Variants in KLF12 observed in about 807,000 individuals in gnomAD.
The protein encoded by KLF12 is Krueppel-like factor 12.
Under a neutral mutation model 37.8 loss-of-function variants are expected in KLF12, and 9 were observed. The observed-to-expected ratio is 0.24, with a 90% confidence interval of 0.14 to 0.42. The LOEUF is 0.42. Ranked by LOEUF, KLF12 falls within the 10% of genes least tolerant of loss-of-function variation. The probability of loss-of-function intolerance (pLI) is 1.00; values close to 1 mark genes in which losing one functional copy is unlikely to be tolerated. For missense variants in KLF12, 411 were observed against 516.0 expected (o/e 0.80, Z 1.97); for synonymous variants, 208 against 202.1 (o/e 1.03, Z -0.25).
At chr13:73,784,483 C>T (rs1881181657) in intron 5 of KLF12, among the ~76,000 whole-genome samples, 1 of 130,072 alleles carries the variant, frequency 7.7e-6, no homozygotes, top group South Asian at 2.7e-4. Context: ...GATTTTAATC[C>T]AGTGCGAACT....
chr13:73,971,286 C>T (rs992940213), intron 2 of KLF12, among the ~76,000 whole-genome samples: 2 of 151,950 alleles, frequency 1.3e-5, no homozygotes, highest in African/African-American at 2.4e-5. Flanking sequence ...ATGGTTTGGG[C>T]GACAATCATA....
chr13:74,076,860 T>C (rs1874593132), intron 1 of KLF12, among the ~76,000 whole-genome samples: 1 of 152,176 alleles, frequency 6.6e-6, no homozygotes, highest in Non-Finnish European at 1.5e-5. Context: ...TGTGTTTTCA[T>C]CATTTAGCTC....
At chr13:74,305,103 G>C in the KLF12 span, among the ~76,000 whole-genome samples, 1 of 151,942 alleles carries the variant, frequency 6.6e-6, no homozygotes, top group African/African-American at 2.4e-5. Context: ...ACAATTTTGA[G>C]GGTATTTTCC....
chr13:73,894,872 A>C lies in KLF12; in HGVS notation c.124-48499T>G, dbSNP rs1256959336. ...TATTTTTATAAGGAATAGCTGTTGA[A>C]TTTTGTCAAATGTCAAAATTTAGTG... On this transcript the variant is annotated intron_variant, in intron 3 of 7. Coordinates refer to ENST00000377669, the MANE Select transcript of KLF12 (RefSeq NM_007249.5). Among the ~76,000 whole-genome samples, 3 of 152,208 alleles carry C rather than the reference A, an allele frequency of 2.0e-5. No homozygotes were observed. In the South Asian group the frequency reaches 6.2e-4, roughly 32 times the overall value.
At chr13:74,280,484 A>G in the KLF12 span, among the ~76,000 whole-genome samples, 5 of 152,344 alleles carry the variant, frequency 3.3e-5, no homozygotes, top group Admixed American at 6.5e-5. Flanking sequence ...CTGGAAATTT[A>G]CACATCTATA....
chr13:74,113,920 A>G (rs1475762391), intron 1 of KLF12, among the ~76,000 whole-genome samples: 1 of 152,212 alleles, frequency 6.6e-6, no homozygotes, highest in African/African-American at 2.4e-5. Flanking sequence ...TCAACATTAG[A>G]AGGAGTTTAG....
intron 4 of KLF12, among the ~76,000 whole-genome samples, chr13:73,826,412 C>G (rs928902402): frequency 6.6e-6 from 1 of 152,178 alleles, no homozygotes; most frequent in African/African-American, 2.4e-5. Flanking sequence ...GGGTCTAGTA[C>G]TTGCTCCCTC....
At chr13:73,863,600 C>T (rs1298098165) in intron 3 of KLF12, among the ~76,000 whole-genome samples, 1 of 151,960 alleles carries the variant, frequency 6.6e-6, no homozygotes, top group African/African-American at 2.4e-5. Context: ...CTAGAATATC[C>T]GATAGTTTGT....
In KLF12 at chr13:73,712,338, C is replaced by CAAAA. The variant is rs752694466; in HGVS notation, c.1027+3026_1027+3029dup. On this transcript the variant is annotated intron_variant, in intron 7 of 7. Coordinates refer to ENST00000377669, the MANE Select transcript of KLF12 (RefSeq NM_007249.5). ...GGGTAACAAGAGCGAAACTCCATGT[C>CAAAA]AAAAAAAAAAAAAAAAAAAAAAGGA... is the stretch of plus-strand genomic sequence containing the variant. Among the ~76,000 whole-genome samples the CAAAA allele has an allele frequency of 7.1e-4, 30 of 42,042 alleles. 3 individuals are homozygous for CAAAA. The highest frequency in any genetic ancestry group is 4.9e-3 in the South Asian group (5 of 1,016). 27.6% of individuals were successfully genotyped at this position (42,042 alleles called of 152,430 possible). A position where few individuals can be genotyped will look rare whatever the true frequency, so the allele number is the denominator to read the frequency against.
chr13:73,741,301 T>A (rs1320720787), intron 6 of KLF12, among the ~76,000 whole-genome samples: 1 of 152,068 alleles, frequency 6.6e-6, no homozygotes, highest in Non-Finnish European at 1.5e-5. Flanking sequence ...GCCGCCCCCA[T>A]ACAAGGGAGC....
At chr13:74,249,340 A>T in the KLF12 span, among the ~76,000 whole-genome samples, 1 of 84,252 alleles carries the variant, frequency 1.2e-5, no homozygotes. Flanking sequence ...GGAGCATCAC[A>T]CACACACACA....
intron 3 of KLF12, among the ~76,000 whole-genome samples, chr13:73,900,079 A>G (rs1159950541): frequency 6.6e-6 from 1 of 152,230 alleles, no homozygotes; most frequent in Non-Finnish European, 1.5e-5. Context: ...TGAGATGTCA[A>G]TAAAGAAAAG....
At chr13:73,795,603 A>G (rs1168708061) in intron 5 of KLF12, among the ~76,000 whole-genome samples, 1 of 152,226 alleles carries the variant, frequency 6.6e-6, no homozygotes, top group Non-Finnish European at 1.5e-5. Flanking sequence ...TTATGATCCT[A>G]GTTTTATGCA....
At chr13:73,792,480 T>C (rs887668958) in intron 5 of KLF12, among the ~76,000 whole-genome samples, 1 of 152,174 alleles carries the variant, frequency 6.6e-6, no homozygotes, top group African/African-American at 2.4e-5. Flanking sequence ...AGTTAAAAAG[T>C]AAGAGTCTTT....
chr13:73,878,828 G>C (rs11842678), intron 3 of KLF12, among the ~76,000 whole-genome samples: 1 of 152,108 alleles, frequency 6.6e-6, no homozygotes, highest in African/African-American at 2.4e-5. Flanking sequence ...TGAGTAGGCA[G>C]GGGCACCCAA....
intron 1 of KLF12, among the ~76,000 whole-genome samples, chr13:74,109,611 A>G (rs1402560973): frequency 1.3e-5 from 2 of 152,190 alleles, no homozygotes; most frequent in African/African-American, 2.4e-5. Flanking sequence ...GAAAATTGTA[A>G]GATGTCCAAA....
chr13:74,209,123 C>T, the KLF12 span, among the ~76,000 whole-genome samples: 1 of 151,646 alleles, frequency 6.6e-6, no homozygotes, highest in African/African-American at 2.4e-5. Context: ...ATCACATAGA[C>T]AAGCATATTA....
intron 3 of KLF12, among the ~76,000 whole-genome samples, chr13:73,929,762 A>G (rs1013282864): frequency 6.6e-6 from 1 of 152,144 alleles, no homozygotes; most frequent in African/African-American, 2.4e-5. Context: ...AGTCCTAACC[A>G]TTGCACTTGC....
At chr13:73,985,376 C>T (rs1217984883) in intron 2 of KLF12, among the ~76,000 whole-genome samples, 1 of 152,172 alleles carries the variant, frequency 6.6e-6, no homozygotes, top group African/African-American at 2.4e-5. Context: ...AAAGGACACT[C>T]AACTCTCAGT....
Sources: allele counts gnomAD v4.1 joint callset (sites outside exome capture counted in the v4.1 genomes callset), GRCh38; gene constraint gnomAD v4.1.1; transcripts MANE v1.5; gene names NCBI Gene and HGNC (gene_info 2026-07-23, HGNC 2026-07-21).